Variants in C5 observed in about 807,000 individuals in gnomAD.
C5 encodes the protein complement C5.
C5 carries 140 observed loss-of-function variants against 218.8 expected under a neutral mutation model. That is an observed-to-expected ratio of 0.64 (90% CI 0.56 to 0.74). C5 has a LOEUF of 0.74. Ranked by LOEUF, C5 falls within the 30% of genes least tolerant of loss-of-function variation. C5 has a pLI of 0.00. For missense variants in C5, 1,700 were observed against 1,969.6 expected, an observed-to-expected ratio of 0.86 and a Z score of 2.59; for synonymous variants, 614 against 682.3, an observed-to-expected ratio of 0.90 and a Z score of 1.56.
At chr9:120,986,125 A>G (rs998127019) in intron 25 of C5, among the ~76,000 whole-genome samples, 8 of 152,156 alleles carry the variant, frequency 5.3e-5, no homozygotes, top group Non-Finnish European at 8.8e-5. Flanking sequence ...TGGCTCCTGA[A>G]TTAACCTGCT....
the C5 span, among the ~76,000 whole-genome samples, chr9:121,062,622 A>G: frequency 6.6e-6 from 1 of 152,196 alleles, no homozygotes; most frequent in East Asian, 1.9e-4. Flanking sequence ...TTTTAAGACA[A>G]CTAGATAACA....
At position 121,023,413 on chromosome 9, in the gene C5, A is replaced by G. The variant is rs1317706164; in HGVS notation, c.1107T>C (p.Tyr369=). ...CCCTCACCCAATCTACCTTGATGGGATATGGAATCCCAGGCTTCAGGAAAA... is the reference window on the plus strand; with the variant it reads ...CCCTCACCCAATCTACCTTGATGGGGTATGGAATCCCAGGCTTCAGGAAAA... The part of the protein sequence containing the change: ...TPLFLKPGIP[Y]PIKVQVKDSL... The change falls in exon 10 of 41, where the codon TAT becomes TAC. Residue 369 remains tyrosine, a synonymous_variant. Coordinates refer to ENST00000223642, the MANE Select transcript of C5 (RefSeq NM_001735.3). The G allele has an allele frequency of 6.3e-7, 1 of 1,598,946 alleles. No individual in the cohort carries two copies. Among genetic ancestry groups the G allele is most frequent in the Non-Finnish European group, 8.6e-7 (1 of 1,166,320 alleles).
chr9:120,955,229 TA>T (rs1000852750), intron 39 of C5, among the ~76,000 whole-genome samples: 1 of 152,154 alleles, frequency 6.6e-6, no homozygotes, highest in Non-Finnish European at 1.5e-5. Flanking sequence ...ATTTATGTGT[TA>T]AAAATGGGCC....
At chr9:120,981,822 G>A (rs768172210) in intron 27 of C5, 22 bp downstream of exon 27, 59 of 1,523,564 alleles carry the variant, frequency 3.9e-5, no homozygotes, top group Non-Finnish European at 5.4e-5. Flanking sequence ...ATGGGTGTGA[G>A]AGAAAGAAAA....
At chr9:121,060,363 C>T in the C5 span, among the ~76,000 whole-genome samples, 10 of 152,290 alleles carry the variant, frequency 6.6e-5, no homozygotes, top group Non-Finnish European at 1.0e-4. Context: ...CTTCTGAGAA[C>T]CAGCTTCTTT....
chr9:120,979,585 T>C (rs536060845), intron 28 of C5: 151 of 178,514 alleles, frequency 8.5e-4, no homozygotes, highest in South Asian at 3.4e-3. Context: ...TGCATATTTA[T>C]TGAATAAAGG....
chr9:121,034,698 C>A, intron 5 of C5, 105 bp downstream of exon 5: 1 of 689,728 alleles, frequency 1.4e-6, no homozygotes, highest in Non-Finnish European at 2.6e-6. Context: ...GCATATCCAC[C>A]TATGTGACAC....
chr9:121,026,396 C>T (rs2131787340), intron 8 of C5, among the ~76,000 whole-genome samples: 1 of 152,238 alleles, frequency 6.6e-6, no homozygotes, highest in Middle Eastern at 3.4e-3. Context: ...ACTATGCTGT[C>T]TCTGGGCATA....
At chr9:121,054,902 T>C (rs1035335855), upstream of C5, among the ~76,000 whole-genome samples, 19 of 151,990 alleles carry the variant, frequency 1.3e-4, no homozygotes, top group Admixed American at 1.1e-3. Flanking sequence ...GACAGACGTT[T>C]GCCATTGATT....
chr9:120,978,055 T>A (rs2046965847), intron 28 of C5, among the ~76,000 whole-genome samples: 1 of 152,104 alleles, frequency 6.6e-6, no homozygotes, highest in South Asian at 2.1e-4. Flanking sequence ...TTTTTCCTGA[T>A]AGGAAAATTT....
At chr9:121,014,140 C>CCTTCT in intron 16 of C5, 70 bp from the exon 17 acceptor site, 3 of 1,353,656 alleles carry the variant, frequency 2.2e-6, no homozygotes, top group Non-Finnish European at 3.2e-6. Context: ...GAAGGAATCT[C>CCTTCT]AAGGGATACC....
chr9:120,958,516 A>G (rs1003156677), intron 38 of C5, among the ~76,000 whole-genome samples: 1 of 151,744 alleles, frequency 6.6e-6, no homozygotes, highest in Non-Finnish European at 1.5e-5. Context: ...TCAAGTCTTC[A>G]TGTATTTAAC....
chr9:121,052,954 G>A (rs901764758), upstream of C5, among the ~76,000 whole-genome samples: 8 of 152,094 alleles, frequency 5.3e-5, no homozygotes, highest in African/African-American at 1.9e-4. Flanking sequence ...CTTACAGGGA[G>A]GTATATTAAT....
intron 39 of C5, chr9:120,956,915 G>A (rs1368952392): frequency 3.4e-6 from 1 of 298,490 alleles, no homozygotes; most frequent in East Asian, 8.4e-5. Context: ...TTACCTATTG[G>A]GTACTATGCT....
intron 28 of C5, chr9:120,979,409 T>C (rs933790136): frequency 1.3e-5 from 2 of 152,360 alleles, no homozygotes; most frequent in East Asian, 1.9e-4. Context: ...TCACCATCTA[T>C]TCATAAAGCT....
intron 1 of C5, among the ~76,000 whole-genome samples, chr9:121,047,248 G>C (rs971065379): frequency 2.0e-5 from 3 of 152,160 alleles, no homozygotes; most frequent in Non-Finnish European, 4.4e-5. Flanking sequence ...GTAAATGGGG[G>C]AGGCCTTTAT....
intron 4 of C5, among the ~76,000 whole-genome samples, chr9:121,037,378 ATC>A (rs2047536160): frequency 6.6e-6 from 1 of 151,036 alleles, no homozygotes; most frequent in African/African-American, 2.4e-5. Flanking sequence ...CAGTGGCACA[ATC>A]TCGGCTCACT....
the C5 span, among the ~76,000 whole-genome samples, chr9:121,071,587 A>G: frequency 6.6e-6 from 1 of 152,110 alleles, no homozygotes. Flanking sequence ...TGGGAGGCTG[A>G]GGGAGGAGGA....
At position 121,046,389 on chromosome 9, in the gene C5, G is replaced by T; in HGVS notation, c.66-6C>A. 1 of 1,598,004 alleles carries T rather than the reference G, an allele frequency of 6.3e-7. No individual in the cohort carries two copies. Among genetic ancestry groups the T allele is most frequent in the African/African-American group, 1.3e-5 (1 of 74,628 alleles). On this transcript the variant is annotated splice_polypyrimidine_tract_variant and splice_region_variant and intron_variant, in intron 1 of 40. Coordinates refer to ENST00000223642, the MANE Select transcript of C5 (RefSeq NM_001735.3). Reference sequence around the variant, plus strand: ...TTGGTGCTGAAATGACATATCTGTTGAAAAAGGAAAAGATAAGGCTCAATG... The same window carrying T: ...TTGGTGCTGAAATGACATATCTGTTTAAAAAGGAAAAGATAAGGCTCAATG...
Sources: allele counts gnomAD v4.1 joint callset (sites outside exome capture counted in the v4.1 genomes callset), GRCh38; gene constraint gnomAD v4.1.1; transcripts MANE v1.5; gene names NCBI Gene and HGNC (gene_info 2026-07-23, HGNC 2026-07-21).